Variants in PDIA5 observed in about 807,000 individuals in gnomAD.
The protein encoded by PDIA5 is protein disulfide-isomerase A5.
PDIA5 carries 58 observed loss-of-function variants against 77.6 expected under a neutral mutation model. The ratio of observed to expected loss-of-function variants is 0.75; its 90% CI spans 0.61 to 0.93. PDIA5 has a LOEUF of 0.93. PDIA5 is among the 40% of genes least tolerant of loss of function. The probability of loss-of-function intolerance (pLI) is 0.00; values close to 1 mark genes in which losing one functional copy is unlikely to be tolerated. For missense variants in PDIA5, 630 were observed against 647.7 expected, an observed-to-expected ratio of 0.97 and a Z score of 0.30; for synonymous variants, 250 against 252.1, an observed-to-expected ratio of 0.99 and a Z score of 0.08.
At chr3:123,092,059 C>T (rs1934302833) in intron 2 of PDIA5, among the ~76,000 whole-genome samples, 1 of 152,172 alleles carries the variant, frequency 6.6e-6, no homozygotes, top group African/African-American at 2.4e-5. Flanking sequence ...CTGAGAGATT[C>T]TTGGAATAGT....
chr3:123,161,784 AC>A, intron 16 of PDIA5, 95 bp from the exon 17 acceptor site: 1 of 834,638 alleles, frequency 1.2e-6, no homozygotes, highest in South Asian at 1.5e-5. Flanking sequence ...CATAGGAGTG[AC>A]CCCCTGGAGG....
At chr3:123,134,804 C>T (rs1290051764) in intron 11 of PDIA5, among the ~76,000 whole-genome samples, 1 of 152,194 alleles carries the variant, frequency 6.6e-6, no homozygotes, top group Non-Finnish European at 1.5e-5. Context: ...CAGGTTTGCC[C>T]CACAGCCCTG....
intron 15 of PDIA5, among the ~76,000 whole-genome samples, chr3:123,155,593 T>G (rs73856856): frequency 0.021 from 3,219 of 152,280 alleles, 107 homozygotes; most frequent in African/African-American, 0.073. Context: ...GGGCTTCTGC[T>G]GGGAGAGGGC....
At chr3:123,121,695 G>C (rs1377435439) in intron 8 of PDIA5, among the ~76,000 whole-genome samples, 1 of 152,232 alleles carries the variant, frequency 6.6e-6, no homozygotes, top group Non-Finnish European at 1.5e-5. Flanking sequence ...GCACCAAGTG[G>C]GGGCCAGGAG....
chr3:123,152,023 TCCTTCCTG>T (rs1935921962), intron 14 of PDIA5, among the ~76,000 whole-genome samples: 6 of 126,326 alleles, frequency 4.7e-5, no homozygotes, highest in African/African-American at 1.5e-4. Context: ...CTTCCTGCCT[TCCTTCCTG>T]CCTGCCTTCC....
intron 6 of PDIA5, among the ~76,000 whole-genome samples, chr3:123,109,203 T>A (rs1245489008): frequency 1.3e-5 from 2 of 152,252 alleles, no homozygotes; most frequent in Non-Finnish European, 2.9e-5. Context: ...GGTTCTCTGC[T>A]AATAGAATGT....
At chr3:123,128,802 T>C (rs1197142774) in intron 10 of PDIA5, among the ~76,000 whole-genome samples, 2 of 152,234 alleles carry the variant, frequency 1.3e-5, no homozygotes, top group African/African-American at 2.4e-5. Flanking sequence ...TTATCCTCCC[T>C]CCTATACCCT....
At position 123,129,062 on chromosome 3, in the gene PDIA5, A is replaced by G. The variant is rs528470469; in HGVS notation, c.774-1418A>G. On this transcript the variant is annotated intron_variant, in intron 10 of 16. Transcript: ENST00000316218. Reference sequence around the variant, plus strand: ...CTAACCCGTCCTTCCAATTTTCGCTATGACAACCTGCAGTGAATGCCTTCA... The same window carrying G: ...CTAACCCGTCCTTCCAATTTTCGCTGTGACAACCTGCAGTGAATGCCTTCA... Among the ~76,000 whole-genome samples the G allele has an allele frequency of 3.7e-4, 24 of 64,230 alleles. No individual in the cohort carries two copies. In the South Asian group the frequency reaches 4.8e-3, roughly 13 times the overall value. 42.1% of individuals were successfully genotyped at this position (64,230 alleles called of 152,430 possible). A position where few individuals can be genotyped will look rare whatever the true frequency, so the allele number is the denominator to read the frequency against.
At chr3:123,160,164 G>T (rs918717150) in intron 15 of PDIA5, among the ~76,000 whole-genome samples, 1 of 152,176 alleles carries the variant, frequency 6.6e-6, no homozygotes, top group African/African-American at 2.4e-5. Context: ...TTCAGTGTGT[G>T]TTGCCTGGTA....
rs559271456 is a variant in PDIA5 at position 123,161,205 on chromosome 3, T to C, written c.1345-116T>C. The C allele has an allele frequency of 6.4e-5, 72 of 1,124,376 alleles. No individual in the cohort carries two copies. The African/African-American group carries it at 9.5e-4, about 15-fold the overall frequency. The allele number at this position is 1,124,376 out of a possible 1,614,324, so 69.6% of individuals were successfully genotyped here. Reference sequence around the variant, plus strand: ...CTTTGGTTCAGTTCCTACCTGCCACTGAGGAGAAAAATCAGAGTGGGCCTG... The same window carrying C: ...CTTTGGTTCAGTTCCTACCTGCCACCGAGGAGAAAAATCAGAGTGGGCCTG... On this transcript the variant is annotated intron_variant, in intron 15 of 16. Coordinates refer to ENST00000316218, the MANE Select transcript of PDIA5 (RefSeq NM_006810.4).
At chr3:123,111,030 A>G (rs763661723) in intron 7 of PDIA5, 26 bp downstream of exon 7, 2 of 1,550,648 alleles carry the variant, frequency 1.3e-6, no homozygotes, top group East Asian at 2.3e-5. Context: ...CCCTTGGGCC[A>G]GAGCTAGTTG....
intron 10 of PDIA5, among the ~76,000 whole-genome samples, 154 bp from the exon 11 acceptor site, chr3:123,130,326 C>A (rs917395452): frequency 6.6e-6 from 1 of 152,234 alleles, no homozygotes; most frequent in East Asian, 1.9e-4. Context: ...CCCACGGCAC[C>A]TCCATGAGGG....
intron 3 of PDIA5, among the ~76,000 whole-genome samples, chr3:123,096,588 A>G (rs1232360331): frequency 3.3e-5 from 5 of 151,582 alleles, no homozygotes; most frequent in East Asian, 3.9e-4. Context: ...CTTCCTCCCT[A>G]TTCCTTTATG....
Position 123,161,365 on chromosome 3 carries a change from C to T in PDIA5, c.1389C>T (p.Asp463=), listed in dbSNP as rs138143898. The T allele has an allele frequency of 4.3e-6, 7 of 1,614,086 alleles. No individual in the cohort carries two copies. The highest frequency in any genetic ancestry group is 2.5e-6 in the Non-Finnish European group (3 of 1,180,028). Residue 463 remains aspartate (D), a synonymous_variant, in exon 16 of 17, where the codon GAC becomes GAT. Transcript: ENST00000316218. ...ACTGTGTCAAAGACAAGAACCAAGA[C>T]CTGTGCCAGCAGGAGGCGGTCAAGG... ...AVDCVKDKNQ[D]LCQQEAVKGY...
In PDIA5 at chr3:123,124,138, C is replaced by T; in HGVS notation, c.682C>T (p.Pro228Ser). The change falls in exon 9 of 17, where the codon CCC becomes TCC. Residue 228 changes from proline (P) to serine (S), a missense_variant. By Grantham distance (74) the Pro-to-Ser change is moderately conservative. Coordinates refer to ENST00000316218, the MANE Select transcript of PDIA5 (RefSeq NM_006810.4). ...IKEEYSVRGF[P>S]TICYFEKGRF... The stretch of plus-strand genomic sequence containing the variant: ...GGAGGAGTACAGCGTGCGCGGCTTC[C>T]CCACCATCTGCTATTTTGAGTACGT... 1 of 1,613,654 alleles carries T rather than the reference C, an allele frequency of 6.2e-7. No individual in the cohort carries two copies. Among genetic ancestry groups the T allele is most frequent in the Non-Finnish European group, 8.5e-7 (1 of 1,179,546 alleles).
At chr3:123,116,089 C>T in intron 7 of PDIA5, 142 bp from the exon 8 acceptor site, 1 of 712,978 alleles carries the variant, frequency 1.4e-6, no homozygotes, top group African/African-American at 1.7e-5. Flanking sequence ...CTTTTGTGTC[C>T]CCAGGGTCTG....
rs779554214 is a variant in PDIA5 at position 123,130,538 on chromosome 3, G to A, written c.832G>A (p.Val278Ile). The A allele has an allele frequency of 3.7e-6, 6 of 1,614,006 alleles. No individual in the cohort carries two copies. Among genetic ancestry groups the A allele is most frequent in the Admixed American group, 3.3e-5 (2 of 60,010 alleles). ...ETPWADEGGS[V>I]YHLTDEDFDQ... The stretch of plus-strand genomic sequence containing the variant: ...TCCCTGGGCAGATGAGGGCGGCTCC[G>A]TTTATCACCTGACCGATGAAGACTT... Residue 278 changes from valine to isoleucine, a missense_variant, in exon 11 of 17, where the codon GTT (valine) becomes ATT (isoleucine). Coordinates refer to ENST00000316218, the MANE Select transcript of PDIA5 (RefSeq NM_006810.4).
chr3:123,106,735 T>G lies in PDIA5; in HGVS notation c.388-14T>G, dbSNP rs754535828. 1 of 1,590,662 alleles carries G rather than the reference T, an allele frequency of 6.3e-7. No homozygotes were observed. The highest frequency in any genetic ancestry group is 8.6e-7 in the Non-Finnish European group (1 of 1,159,724). ...GGCTAAAATGCATTTTCTCTTCTCT[T>G]TTTTTTCCCTCAGTCCATAGTGGCC... On this transcript the variant is annotated splice_polypyrimidine_tract_variant and intron_variant, in intron 5 of 16. Transcript: ENST00000316218.
chr3:123,131,216 A>G (rs560672840), intron 11 of PDIA5, among the ~76,000 whole-genome samples: 3 of 152,104 alleles, frequency 2.0e-5, no homozygotes, highest in African/African-American at 7.2e-5. Context: ...GCTGCAGTGA[A>G]CTGTGATTGT....
Sources: allele counts gnomAD v4.1 joint callset (sites outside exome capture counted in the v4.1 genomes callset), GRCh38; gene constraint gnomAD v4.1.1; transcripts MANE v1.5; gene names NCBI Gene and HGNC (gene_info 2026-07-23, HGNC 2026-07-21).